Variants in COMMD1 observed in about 807,000 individuals in gnomAD.
COMMD1 encodes the protein copper metabolism domain containing 1.
COMMD1 carries 10 observed loss-of-function variants against 17.2 expected under a neutral mutation model. That is an observed-to-expected ratio of 0.58 (90% CI 0.36 to 0.99). The LOEUF (loss-of-function observed/expected upper bound fraction) is 0.99. Ranked by LOEUF, COMMD1 falls within the 50% of genes least tolerant of loss-of-function variation. The pLI, the probability that COMMD1 is intolerant of heterozygous loss-of-function variation, is 0.01. For missense variants in COMMD1, 270 were observed against 231.8 expected, an observed-to-expected ratio of 1.17 and a Z score of -1.07; for synonymous variants, 97 against 91.6, an observed-to-expected ratio of 1.06 and a Z score of -0.34.
At chr2:62,018,736 TC>T (rs909901498) in intron 2 of COMMD1, among the ~76,000 whole-genome samples, 1 of 152,252 alleles carries the variant, frequency 6.6e-6, no homozygotes, top group Non-Finnish European at 1.5e-5. Flanking sequence ...CTGTTGTTTT[TC>T]TCATGGTTAG....
intron 2 of COMMD1, among the ~76,000 whole-genome samples, chr2:62,095,521 A>C (rs1296001127): frequency 6.6e-6 from 1 of 151,902 alleles, no homozygotes; most frequent in Non-Finnish European, 1.5e-5. Flanking sequence ...AAATTACACT[A>C]TCCCTGCCTG....
At chr2:61,951,726 C>T (rs1190878781) in intron 1 of COMMD1, among the ~76,000 whole-genome samples, 1 of 152,148 alleles carries the variant, frequency 6.6e-6, no homozygotes, top group Non-Finnish European at 1.5e-5. Context: ...TGATATTCAA[C>T]ATGATAGCGA....
intron 1 of COMMD1, among the ~76,000 whole-genome samples, chr2:61,964,563 G>A (rs1671457285): frequency 6.6e-6 from 1 of 152,132 alleles, no homozygotes; most frequent in South Asian, 2.1e-4. Context: ...GGCTGGGCGT[G>A]GTGGCTAACG....
rs191360965 is a variant in COMMD1 at position 62,098,688 on chromosome 2, T to G, written c.463-37143T>G. ...GGCGTATTTTACATTGTTTCACCTT[T>G]GCCCAATCTGTAACCGTGGAGAATA... On this transcript the variant is annotated intron_variant, in intron 2 of 2. Coordinates refer to ENST00000311832, the MANE Select transcript of COMMD1 (RefSeq NM_152516.4). 2.9e-3 allele frequency among the ~76,000 whole-genome samples: 435 copies of G among 152,380 alleles called. 2 individuals are homozygous for G. The highest frequency in any genetic ancestry group is 5.0e-3 in the Non-Finnish European group (338 of 68,036).
At chr2:61,917,820 T>C (rs1670088799) in intron 1 of COMMD1, among the ~76,000 whole-genome samples, 2 of 152,228 alleles carry the variant, frequency 1.3e-5, no homozygotes, top group South Asian at 2.1e-4. Context: ...CGTGAGCCAC[T>C]GCGCCCGGCC....
chr2:62,077,983 A>G (rs1347530727), intron 2 of COMMD1, among the ~76,000 whole-genome samples: 1 of 152,122 alleles, frequency 6.6e-6, no homozygotes, highest in African/African-American at 2.4e-5. Flanking sequence ...GGTTAAGATA[A>G]AGAATTGTGG....
intron 1 of COMMD1, among the ~76,000 whole-genome samples, chr2:61,928,894 T>C (rs1318665412): frequency 6.6e-6 from 1 of 152,192 alleles, no homozygotes; most frequent in Non-Finnish European, 1.5e-5. Flanking sequence ...GAAAACTATG[T>C]CTATACATGT....
At chr2:62,059,324 T>G (rs1410991175) in intron 2 of COMMD1, among the ~76,000 whole-genome samples, 1 of 151,212 alleles carries the variant, frequency 6.6e-6, no homozygotes, top group Non-Finnish European at 1.5e-5. Flanking sequence ...CTGGCTAATT[T>G]AAAAAAAAAT....
At chr2:62,012,657 A>G (rs954998013) in intron 2 of COMMD1, among the ~76,000 whole-genome samples, 2 of 152,032 alleles carry the variant, frequency 1.3e-5, no homozygotes, top group Admixed American at 6.6e-5. Context: ...AGTGATTGCC[A>G]TTTCTTTCTC....
rs1232554770 is a variant in COMMD1, at chr2:62,135,826, T to C, written c.463-5T>C. On this transcript the variant is annotated splice_region_variant and splice_polypyrimidine_tract_variant and intron_variant, in intron 2 of 2. Transcript: ENST00000311832. ...CCCTCTAAAATATCCTTTTATGTTT[T>C]CCAGGAATCTGAATTTCTGTGTTTG... 7.0e-7 allele frequency: 1 copy of C among 1,428,338 alleles called. No homozygotes were observed. The allele number at this position is 1,428,338 out of a possible 1,614,324, so 88.5% of individuals were successfully genotyped here. A position where few individuals can be genotyped will look rare whatever the true frequency, so the allele number is the denominator to read the frequency against.
chr2:61,911,030 C>G (rs1333556661), intron 1 of COMMD1, among the ~76,000 whole-genome samples: 5 of 151,764 alleles, frequency 3.3e-5, no homozygotes, highest in Admixed American at 6.6e-5. Flanking sequence ...TCGTGGTGAG[C>G]CGAGATCGCG....
At chr2:61,981,813 G>T (rs1671961914) in intron 1 of COMMD1, among the ~76,000 whole-genome samples, 1 of 152,108 alleles carries the variant, frequency 6.6e-6, no homozygotes, top group Non-Finnish European at 1.5e-5. Flanking sequence ...ACCTGCCACT[G>T]GGTCCCTCCC....
At chr2:62,063,807 C>A (rs905286245) in intron 2 of COMMD1, among the ~76,000 whole-genome samples, 1 of 140,166 alleles carries the variant, frequency 7.1e-6, no homozygotes, top group Non-Finnish European at 1.5e-5. Flanking sequence ...TTTTTCATAT[C>A]TGGTCATTTA....
At chr2:61,889,006 A>C (rs1426982496) in intron 1 of COMMD1, among the ~76,000 whole-genome samples, 2 of 149,652 alleles carry the variant, frequency 1.3e-5, no homozygotes, top group Admixed American at 6.7e-5. Context: ...TCCCAGGTTC[A>C]AGCGATCCTC....
At chr2:61,956,232 T>A (rs757239813) in intron 1 of COMMD1, among the ~76,000 whole-genome samples, 46 of 152,314 alleles carry the variant, frequency 3.0e-4, no homozygotes, top group Middle Eastern at 3.4e-3. Flanking sequence ...GAGACTATCC[T>A]TTCTCCCATT....
chr2:61,924,775 G>C (rs1310800966), intron 1 of COMMD1, among the ~76,000 whole-genome samples: 1 of 152,216 alleles, frequency 6.6e-6, no homozygotes, highest in African/African-American at 2.4e-5. Context: ...TCTTAAAACA[G>C]ATCTCTGAAC....
intron 1 of COMMD1, among the ~76,000 whole-genome samples, chr2:61,915,321 C>G: frequency 6.6e-6 from 1 of 151,932 alleles, no homozygotes; most frequent in South Asian, 2.1e-4. Context: ...TATTTTATCT[C>G]TTTTTTTCTA....
intron 2 of COMMD1, among the ~76,000 whole-genome samples, chr2:62,028,672 A>G (rs1444286090): frequency 1.3e-5 from 2 of 152,168 alleles, no homozygotes; most frequent in Admixed American, 1.3e-4. Context: ...ACTACATTGG[A>G]TGGATTATAA....
At chr2:62,029,941 G>A (rs996166727) in intron 2 of COMMD1, among the ~76,000 whole-genome samples, 17 of 152,254 alleles carry the variant, frequency 1.1e-4, no homozygotes, top group African/African-American at 3.9e-4. Flanking sequence ...GTGTATACAC[G>A]AGAGCCTTCA....
Sources: gnomAD v4.1 joint callset for allele counts (sites outside exome capture counted in the v4.1 genomes callset) on GRCh38, gnomAD v4.1.1 for gene constraint, MANE v1.5 for transcripts, NCBI Gene and HGNC (gene_info 2026-07-23, HGNC 2026-07-21) for gene names.